TPTE2: variants seen among roughly 807,000 people sequenced by gnomAD.
TPTE2 encodes the protein transmembrane phosphoinositide 3-phosphatase and tensin homolog 2.
Under a neutral mutation model 78.6 loss-of-function variants are expected in TPTE2, and 53 were observed. The ratio of observed to expected loss-of-function variants is 0.67; its 90% CI spans 0.54 to 0.85. TPTE2 has a LOEUF of 0.85. Ranked by LOEUF, TPTE2 falls within the 40% of genes least tolerant of loss-of-function variation. The pLI, the probability that TPTE2 is intolerant of heterozygous loss-of-function variation, is 0.00. For synonymous variants in TPTE2, 175 were observed against 206.2 expected (o/e 0.85, Z 1.30); for missense variants, 461 against 623.0 (o/e 0.74, Z 2.77).
chr13:19,450,719 C>T (rs1423734652), intron 11 of TPTE2, among the ~76,000 whole-genome samples: 4 of 152,240 alleles, frequency 2.6e-5, no homozygotes, highest in African/African-American at 7.2e-5. Context: ...TCAAGAGAGA[C>T]AGGGTATTAA....
intron 3 of TPTE2, among the ~76,000 whole-genome samples, chr13:19,490,901 C>A (rs2932174): frequency 0.98 from 149,720 of 152,282 alleles, 73,651 homozygotes; most frequent in Middle Eastern, 1. Flanking sequence ...GTGTCATACA[C>A]TACACACATT....
chr13:19,531,233 T>C (rs927029194), intron 1 of TPTE2, among the ~76,000 whole-genome samples: 1 of 152,216 alleles, frequency 6.6e-6, no homozygotes, highest in African/African-American at 2.4e-5. Context: ...CTCATTTTGT[T>C]TATCCATTCA....
In TPTE2 at chr13:19,451,148, T is replaced by C. The variant is rs563037710; in HGVS notation, c.802+17A>G. 4 of 1,610,930 alleles carry C rather than the reference T, an allele frequency of 2.5e-6. No homozygotes were observed. Among genetic ancestry groups the C allele is most frequent in the Middle Eastern group, 1.7e-4 (1 of 6,054 alleles). On this transcript the variant is annotated intron_variant, in intron 11 of 19. Coordinates refer to ENST00000400230, the Ensembl canonical transcript of TPTE2. The stretch of plus-strand genomic sequence containing the variant: ...GTTTTCTACCTACAGTAGCAAAATA[T>C]AGAGTAATGTACATACTGCATAGAT...
intron 19 of TPTE2, 147 bp downstream of exon 22, chr13:19,424,800 G>C: frequency 1.7e-6 from 1 of 592,800 alleles, no homozygotes. Context: ...CAAAGTAAGA[G>C]GAGTAAGGCA....
chr13:19,490,489 A>G (rs1359100021), intron 3 of TPTE2, among the ~76,000 whole-genome samples: 1 of 152,188 alleles, frequency 6.6e-6, no homozygotes, highest in African/African-American at 2.4e-5. Flanking sequence ...AAAAAAACTT[A>G]ATGAATCAAG....
At chr13:19,545,643 TC>T in the TPTE2 span, among the ~76,000 whole-genome samples, 17 of 152,152 alleles carry the variant, frequency 1.1e-4, no homozygotes, top group Admixed American at 1.1e-3. Context: ...GTTACAGAAG[TC>T]CCTACATGAA....
chr13:19,547,309 T>G, the TPTE2 span, among the ~76,000 whole-genome samples: 1 of 152,144 alleles, frequency 6.6e-6, no homozygotes, highest in Admixed American at 6.6e-5. Flanking sequence ...ATGTAAAAAC[T>G]TAGCCAGGCA....
At chr13:19,539,362 G>A (rs906389484), upstream of TPTE2, among the ~76,000 whole-genome samples, 14 of 152,276 alleles carry the variant, frequency 9.2e-5, no homozygotes, top group African/African-American at 3.4e-4. Flanking sequence ...TGCTATTCTT[G>A]TGATAGTGAG....
chr13:19,437,772 T>C (rs1180740772), intron 14 of TPTE2, among the ~76,000 whole-genome samples: 1 of 152,100 alleles, frequency 6.6e-6, no homozygotes, highest in African/African-American at 2.4e-5. Flanking sequence ...GCATACATCA[T>C]AGATTTTTTG....
In TPTE2 at chr13:19,496,212, CAT is replaced by C. The variant is rs535876866; in HGVS notation, c.12-2713_12-2712del. Among the ~76,000 whole-genome samples the C allele has an allele frequency of 1.6e-3, 243 of 152,298 alleles. 2 individuals carry two copies. The Middle Eastern group carries it at 0.027, about 17-fold the overall frequency. ...TAAATTGCCTTACCCTTACAGAAGT[CAT>C]GTGTGTATTTGGTTCTTTGGAATCT... On this transcript the variant is annotated intron_variant, in intron 1 of 19. Transcript: ENST00000400230.
intron 3 of TPTE2, among the ~76,000 whole-genome samples, chr13:19,491,329 T>A (rs1357937276): frequency 1.3e-5 from 2 of 152,340 alleles, no homozygotes; most frequent in East Asian, 3.9e-4. Context: ...TTTTTGACAC[T>A]ATTAGCAAAT....
chr13:19,552,566 C>G, the TPTE2 span: 1 of 855,712 alleles, frequency 1.2e-6, no homozygotes, highest in African/African-American at 1.8e-5. Flanking sequence ...GAAATTAACA[C>G]TTACCTGCTT....
the TPTE2 span, among the ~76,000 whole-genome samples, chr13:19,559,375 C>T: frequency 2.0e-5 from 3 of 152,178 alleles, no homozygotes; most frequent in South Asian, 2.1e-4. Context: ...CATGTCTCTG[C>T]GCCTCCCTGG....
chr13:19,424,261 T>A (rs2137450273), intron 19 of TPTE2, among the ~76,000 whole-genome samples: 1 of 152,314 alleles, frequency 6.6e-6, no homozygotes, highest in African/African-American at 2.4e-5. Context: ...AAATCTCAAT[T>A]TTTCACCATC....
chr13:19,534,056 A>G (rs568170031), intron 1 of TPTE2, among the ~76,000 whole-genome samples: 39 of 152,302 alleles, frequency 2.6e-4, no homozygotes, highest in Admixed American at 2.0e-3. Flanking sequence ...GTTTATTAGG[A>G]AGGGAAAATA....
chr13:19,536,505 A>G (rs972751736), intron 1 of TPTE2: 6 of 152,198 alleles, frequency 3.9e-5, no homozygotes, highest in African/African-American at 1.2e-4. Context: ...TTATAGTTTT[A>G]TCACATTTAT....
At chr13:19,461,273 C>CCTT (rs1212150295) in intron 10 of TPTE2, among the ~76,000 whole-genome samples, 6 of 152,038 alleles carry the variant, frequency 3.9e-5, no homozygotes, top group African/African-American at 1.2e-4. Context: ...AAATCTGTTT[C>CCTT]CTTCATTCTT....
chr13:19,525,474 T>A lies in TPTE2; in HGVS notation c.-44+11122A>T, dbSNP rs1330295207. On this transcript the variant is annotated intron_variant, in intron 1 of 17. Coordinates refer to the TPTE2 transcript ENST00000390680. ...GGACTTCCTACTCAACAAATGGTGC[T>A]GGGATAACTGACTAGCCATATGCAG... Among the ~76,000 whole-genome samples the A allele has an allele frequency of 2.0e-5, 3 of 152,218 alleles. No individual in the cohort carries two copies. In the East Asian group the frequency reaches 5.8e-4, roughly 29 times the overall value.
At chr13:19,560,326 C>T in the TPTE2 span, 6 of 1,478,354 alleles carry the variant, frequency 4.1e-6, no homozygotes, top group East Asian at 2.3e-5. Flanking sequence ...TCGCTCCAGC[C>T]GCAGGGACTG....
Sources: allele counts gnomAD v4.1 joint callset (sites outside exome capture counted in the v4.1 genomes callset), GRCh38; gene constraint gnomAD v4.1.1; transcripts MANE v1.5; gene names NCBI Gene and HGNC (gene_info 2026-07-23, HGNC 2026-07-21).